The following TMEM51 variants were observed in gnomAD, a reference collection of about 807,000 sequenced individuals.
TMEM51 encodes transmembrane protein 51.
Under a neutral mutation model 13.6 loss-of-function variants are expected in TMEM51, and 8 were observed. The observed-to-expected ratio is 0.59, with a 90% CI of 0.35 to 1.07. The LOEUF (loss-of-function observed/expected upper bound fraction) is 1.07, where lower values mean the gene tolerates loss of function less well. TMEM51 is among the 50% of genes least tolerant of loss of function. The probability of loss-of-function intolerance (pLI) is 0.02; values close to 1 mark genes in which losing one functional copy is unlikely to be tolerated. For missense variants in TMEM51, 279 were observed against 330.7 expected (o/e 0.84, Z 1.21); for synonymous variants, 147 against 144.4 (o/e 1.02, Z -0.13).
rs3820062 is a variant in TMEM51, at chr1:15,219,877, G to A, written c.*134G>A. ...TGGAGCCATTTGGATGGCGGCGGGC[G>A]GGGGGGGATTCTCTGTATCAGGAGT... On this transcript the variant is annotated 3_prime_UTR_variant, in exon 4 of 4. Transcript: ENST00000376008. The A allele has an allele frequency of 4.7e-5, 43 of 919,722 alleles. No homozygotes were observed. The highest frequency in any genetic ancestry group is 3.5e-4 in the Middle Eastern group (1 of 2,884). 57.0% of individuals were successfully genotyped at this position (919,722 alleles called of 1,614,324 possible).
At chr1:15,176,045 A>T (rs570720550) in intron 1 of TMEM51, among the ~76,000 whole-genome samples, 1 of 152,272 alleles carries the variant, frequency 6.6e-6, no homozygotes, top group East Asian at 1.9e-4. Context: ...TCTTTTCCAG[A>T]CATCTTGTGA....
chr1:15,219,718 C>T lies in TMEM51; in HGVS notation c.737C>T (p.Ala246Val), dbSNP rs1388812228. 2 of 1,613,122 alleles carry T rather than the reference C, an allele frequency of 1.2e-6. No individual in the cohort carries two copies. Among genetic ancestry groups the T allele is most frequent in the South Asian group, 1.1e-5 (1 of 91,064 alleles). Residue 246 changes from alanine (A) to valine (V), a missense_variant, in exon 4 of 4, where the codon GCC becomes GTC. Coordinates refer to ENST00000376008, the MANE Select transcript of TMEM51 (RefSeq NM_001136218.2). ...CAGTATGATGAAGTCCAGGAGAAGG[C>T]CCCCGACACCCGGCCGCCCGACTGA... ...PPQYDEVQEK[A>V]PDTRPPD
chr1:15,175,217 T>C (rs1473439858), intron 1 of TMEM51, among the ~76,000 whole-genome samples: 1 of 152,090 alleles, frequency 6.6e-6, no homozygotes, highest in Non-Finnish European at 1.5e-5. Flanking sequence ...CTGGCCAACA[T>C]GGCAAAACCC....
At chr1:15,189,881 G>A (rs1643892952) in intron 1 of TMEM51, among the ~76,000 whole-genome samples, 1 of 152,248 alleles carries the variant, frequency 6.6e-6, no homozygotes. Flanking sequence ...CTGGATAGCA[G>A]GGGCTAACCC....
At chr1:15,174,448 C>T (rs1390632605) in intron 1 of TMEM51, among the ~76,000 whole-genome samples, 2 of 152,088 alleles carry the variant, frequency 1.3e-5, no homozygotes, top group Non-Finnish European at 2.9e-5. Flanking sequence ...TGCTGTGTTG[C>T]CCAGGCTGGT....
intron 1 of TMEM51, among the ~76,000 whole-genome samples, chr1:15,163,891 T>C (rs1977111): frequency 0.99 from 148,954 of 150,634 alleles, 73,655 homozygotes; most frequent in Middle Eastern, 1. Context: ...TACAGTGGCG[T>C]GGTCTCGGCT....
rs776474215 is a variant in TMEM51, at chr1:15,215,170, T to C, written c.83T>C (p.Met28Thr). Residue 28 changes from methionine (M) to threonine (T), a missense_variant, in exon 3 of 4, where the codon ATG becomes ACG. Met to Thr is a moderately conservative substitution (Grantham distance 81). Coordinates refer to ENST00000376008, the MANE Select transcript of TMEM51 (RefSeq NM_001136218.2). The part of the protein sequence containing the change: ...GLGMLVLGVI[M>T]AMWNLVPGFS... ...GGGATGCTGGTCCTTGGGGTGATCATGGCCATGTGGAACCTGGTACCCGGC... is the reference window on the plus strand; with the variant it reads ...GGGATGCTGGTCCTTGGGGTGATCACGGCCATGTGGAACCTGGTACCCGGC... The C allele has an allele frequency of 1.2e-6, 2 of 1,614,196 alleles. No homozygotes were observed. Among genetic ancestry groups the C allele is most frequent in the Non-Finnish European group, 1.7e-6 (2 of 1,180,040 alleles).
At chr1:15,193,571 C>CT (rs1392623062) in intron 1 of TMEM51, among the ~76,000 whole-genome samples, 160 of 80,584 alleles carry the variant, frequency 2.0e-3, no homozygotes, top group South Asian at 2.7e-3. Context: ...TCTTTTCTTT[C>CT]TTTCTTTTTT....
chr1:15,164,487 C>T, intron 1 of TMEM51: 1 of 456,048 alleles, frequency 2.2e-6, no homozygotes. Flanking sequence ...GTGCTTCTCA[C>T]TGAATCATGT....
intron 1 of TMEM51, among the ~76,000 whole-genome samples, chr1:15,196,970 A>G (rs1644062870): frequency 6.6e-6 from 1 of 152,194 alleles, no homozygotes. Context: ...TCAGCCCTCC[A>G]GGGTTCTTCA....
chr1:15,193,364 A>G (rs1264254122), intron 1 of TMEM51, among the ~76,000 whole-genome samples: 1 of 152,144 alleles, frequency 6.6e-6, no homozygotes, highest in Non-Finnish European at 1.5e-5. Flanking sequence ...ACCTCTGAGC[A>G]GCTGCTTGAG....
At chr1:15,174,661 TATC>T (rs1643398848) in intron 1 of TMEM51, among the ~76,000 whole-genome samples, 2 of 152,234 alleles carry the variant, frequency 1.3e-5, no homozygotes, top group Non-Finnish European at 2.9e-5. Flanking sequence ...GCCATATAAA[TATC>T]ATACACTGGG....
chr1:15,168,712 G>A (rs763567184), intron 1 of TMEM51: 1 of 1,304,470 alleles, frequency 7.7e-7, no homozygotes. Flanking sequence ...CCCAGGGTGA[G>A]CCAGTGACTG....
intron 1 of TMEM51, among the ~76,000 whole-genome samples, chr1:15,174,079 G>A (rs898858961): frequency 2.0e-5 from 3 of 152,108 alleles, no homozygotes; most frequent in Non-Finnish European, 4.4e-5. Flanking sequence ...TTGCAGTTCC[G>A]CTGGAAGGAG....
chr1:15,176,939 C>G (rs1454397403), intron 1 of TMEM51, among the ~76,000 whole-genome samples: 1 of 152,194 alleles, frequency 6.6e-6, no homozygotes, highest in Non-Finnish European at 1.5e-5. Context: ...GAAAAGGACT[C>G]TGACAAAAAG....
chr1:15,172,383 G>A (rs1318212086), intron 1 of TMEM51, among the ~76,000 whole-genome samples: 2 of 72,252 alleles, frequency 2.8e-5, no homozygotes, highest in African/African-American at 9.8e-5. Flanking sequence ...GTGAGACCCT[G>A]TCTCAAAAAA....
At chr1:15,195,372 G>A (rs1412480587) in intron 1 of TMEM51, among the ~76,000 whole-genome samples, 2 of 152,080 alleles carry the variant, frequency 1.3e-5, no homozygotes, top group African/African-American at 4.8e-5. Context: ...ATATAAAAAT[G>A]TTAGTGAGAT....
rs1366633315 is a variant in TMEM51 at position 15,207,954 on chromosome 1, A to G, written c.-266-2536A>G. Among the ~76,000 whole-genome samples the G allele has an allele frequency of 2.6e-5, 4 of 152,206 alleles. No individual in the cohort carries two copies. Among genetic ancestry groups the G allele is most frequent in the African/African-American group, 7.2e-5 (3 of 41,454 alleles). Reference sequence around the variant, plus strand: ...AGGCTTGGACTGGGAATTTCCCCTCATTGATATGAGACATTGGTTCAACTT... The same window carrying G: ...AGGCTTGGACTGGGAATTTCCCCTCGTTGATATGAGACATTGGTTCAACTT... On this transcript the variant is annotated intron_variant, in intron 1 of 3. Transcript: ENST00000376008. This position sits in a 1 kb window ranked among gnomAD's most constrained non-coding sequence, Gnocchi z 4.6.
chr1:15,190,430 G>A (rs61780605), intron 1 of TMEM51, among the ~76,000 whole-genome samples: 2,212 of 152,252 alleles, frequency 0.015, 22 homozygotes, highest in Non-Finnish European at 0.024. Context: ...TTTGGAACCT[G>A]ACACACATTG....
Sources: gnomAD v4.1 joint callset for allele counts (sites outside exome capture counted in the v4.1 genomes callset) on GRCh38, gnomAD v4.1.1 for gene constraint, Gnocchi (gnomAD v3.1) non-coding constraint, MANE v1.5 for transcripts, NCBI Gene and HGNC (gene_info 2026-07-23, HGNC 2026-07-21) for gene names.